Variants in EPHA3 observed in about 807,000 individuals in gnomAD.
EPHA3 encodes ephrin type-A receptor 3.
EPHA3 carries 42 observed loss-of-function variants against 107.1 expected under a neutral mutation model. The observed-to-expected ratio is 0.39, with a 90% CI of 0.31 to 0.51. The LOEUF (loss-of-function observed/expected upper bound fraction) is 0.51, where lower values mean the gene tolerates loss of function less well. EPHA3 is among the 20% of genes least tolerant of loss of function. EPHA3 has a pLI of 0.78. For synonymous variants in EPHA3, 461 were observed against 424.8 expected, an observed-to-expected ratio of 1.09 and a Z score of -1.05; for missense variants, 1,183 against 1,211.2, an observed-to-expected ratio of 0.98 and a Z score of 0.35.
chr3:89,405,130 T>A (rs1167814113), intron 7 of EPHA3, among the ~76,000 whole-genome samples: 2 of 151,754 alleles, frequency 1.3e-5, no homozygotes, highest in Non-Finnish European at 2.9e-5. Context: ...CAGACTGAGA[T>A]GTAGGTCTGT....
At chr3:89,324,155 CTTTTTTT>C (rs749957896) in intron 3 of EPHA3, among the ~76,000 whole-genome samples, 4 of 118,984 alleles carry the variant, frequency 3.4e-5, no homozygotes, top group African/African-American at 1.2e-4. Context: ...AGATGTCAGT[CTTTTTTT>C]TTTTTTTTTT....
At chr3:89,229,252 A>G (rs1704570960) in intron 3 of EPHA3, among the ~76,000 whole-genome samples, 1 of 151,982 alleles carries the variant, frequency 6.6e-6, no homozygotes, top group Non-Finnish European at 1.5e-5. Context: ...TTGTCAGTGA[A>G]TAAAGAAGTA....
intron 2 of EPHA3, among the ~76,000 whole-genome samples, chr3:89,156,222 T>A (rs1364143963): frequency 6.6e-6 from 1 of 152,100 alleles, no homozygotes; most frequent in Non-Finnish European, 1.5e-5. Context: ...GAAACTTGTC[T>A]TAACTGCTTT....
At position 89,481,110 on chromosome 3, in the gene EPHA3, G is replaced by A. The variant is rs1353286608; in HGVS notation, c.*1608G>A. On this transcript the variant is annotated 3_prime_UTR_variant, in exon 17 of 17. Coordinates refer to ENST00000336596, the MANE Select transcript of EPHA3 (RefSeq NM_005233.6). ...TGATATGATCTTGAGTATAAGAAATGCATATGTCACTAGAATGGATAAAAT... is the reference window on the plus strand; with the variant it reads ...TGATATGATCTTGAGTATAAGAAATACATATGTCACTAGAATGGATAAAAT... The A allele has an allele frequency of 4.3e-6, 1 of 231,832 alleles. No individual in the cohort carries two copies. Among genetic ancestry groups the A allele is most frequent in the Non-Finnish European group, 8.5e-6 (1 of 117,278 alleles). 14.4% of individuals were successfully genotyped at this position (231,832 alleles called of 1,614,324 possible).
At chr3:89,139,136 A>AC (rs1449460634) in intron 2 of EPHA3, among the ~76,000 whole-genome samples, 2 of 151,948 alleles carry the variant, frequency 1.3e-5, no homozygotes, top group African/African-American at 2.4e-5. Flanking sequence ...ATGTAAAGTG[A>AC]CAAGACCAAG....
At chr3:89,186,687 G>C (rs2107131233) in intron 2 of EPHA3, among the ~76,000 whole-genome samples, 1 of 152,128 alleles carries the variant, frequency 6.6e-6, no homozygotes, top group South Asian at 2.1e-4. Flanking sequence ...ACAGCCAGCT[G>C]GTGCTTTTTA....
chr3:89,205,414 AGCC>A (rs1262814174), intron 2 of EPHA3, among the ~76,000 whole-genome samples: 1 of 152,118 alleles, frequency 6.6e-6, no homozygotes, highest in Non-Finnish European at 1.5e-5. Context: ...ATAAACTAAG[AGCC>A]TCCTTAGTAT....
chr3:89,193,408 A>G (rs1159058268), intron 2 of EPHA3, among the ~76,000 whole-genome samples: 3 of 152,060 alleles, frequency 2.0e-5, no homozygotes, highest in Admixed American at 2.0e-4. Flanking sequence ...TCACAATTCA[A>G]TTTGTGATTA....
chr3:89,437,698 C>T (rs1225608580), intron 13 of EPHA3, among the ~76,000 whole-genome samples: 1 of 152,136 alleles, frequency 6.6e-6, no homozygotes, highest in Non-Finnish European at 1.5e-5. Context: ...TGTTGAAATA[C>T]ATGGAATCCA....
chr3:89,207,517 A>T lies in EPHA3; in HGVS notation c.154-2343A>T, dbSNP rs1016700988. 5.9e-5 allele frequency among the ~76,000 whole-genome samples: 9 copies of T among 152,302 alleles called. No homozygotes were observed. In the South Asian group the frequency reaches 1.0e-3, roughly 18 times the overall value. On this transcript the variant is annotated intron_variant, in intron 2 of 16. Coordinates refer to ENST00000336596, the MANE Select transcript of EPHA3 (RefSeq NM_005233.6). ...TGAATTTTAGGCAGTAGTATTTTTTATTCTTTTTTTAAACAAACAAACAAA... is the reference window on the plus strand; with the variant it reads ...TGAATTTTAGGCAGTAGTATTTTTTTTTCTTTTTTTAAACAAACAAACAAA...
chr3:89,224,029 A>G (rs1330058689), intron 3 of EPHA3, among the ~76,000 whole-genome samples: 2 of 152,190 alleles, frequency 1.3e-5, no homozygotes, highest in African/African-American at 4.8e-5. Context: ...TTATCGATCA[A>G]TATTTTTGCT....
intron 2 of EPHA3, among the ~76,000 whole-genome samples, chr3:89,169,620 G>A (rs1328844214): frequency 6.6e-6 from 1 of 152,106 alleles, no homozygotes; most frequent in Non-Finnish European, 1.5e-5. Context: ...GTGTTTTTGT[G>A]TATATTTTCA....
At chr3:89,371,180 T>C (rs1708293033) in intron 5 of EPHA3, among the ~76,000 whole-genome samples, 1 of 151,704 alleles carries the variant, frequency 6.6e-6, no homozygotes, top group African/African-American at 2.4e-5. Context: ...TTGTTTTCAT[T>C]CCAGTGATTA....
intron 6 of EPHA3, among the ~76,000 whole-genome samples, chr3:89,396,712 A>G (rs115698462): frequency 0.011 from 1,728 of 152,316 alleles, 37 homozygotes; most frequent in African/African-American, 0.039. Context: ...TAGTTTCACA[A>G]CTACTAACAT....
intron 2 of EPHA3, among the ~76,000 whole-genome samples, chr3:89,179,158 TTA>T (rs1705383075): frequency 6.6e-6 from 1 of 152,118 alleles, no homozygotes; most frequent in South Asian, 2.1e-4. Flanking sequence ...ATGTGCATTT[TTA>T]TGTTTGCCAA....
intron 3 of EPHA3, among the ~76,000 whole-genome samples, chr3:89,231,703 C>A (rs2107226163): frequency 6.6e-6 from 1 of 152,248 alleles, no homozygotes; most frequent in East Asian, 1.9e-4. Context: ...AAAATAATAT[C>A]CTTTCCCCAC....
At chr3:89,323,209 A>G (rs1168561023) in intron 3 of EPHA3, among the ~76,000 whole-genome samples, 2 of 152,150 alleles carry the variant, frequency 1.3e-5, no homozygotes, top group African/African-American at 4.8e-5. Context: ...GCATTTATTT[A>G]TATAAATGTG....
intron 2 of EPHA3, among the ~76,000 whole-genome samples, chr3:89,203,310 T>C (rs1446247909): frequency 1.4e-5 from 2 of 139,472 alleles, no homozygotes; most frequent in Admixed American, 1.5e-4. Flanking sequence ...CCTGGTTCCC[T>C]GCTTAGCCGG....
intron 2 of EPHA3, among the ~76,000 whole-genome samples, chr3:89,138,604 C>A (rs1446351827): frequency 6.6e-6 from 1 of 151,626 alleles, no homozygotes; most frequent in African/African-American, 2.4e-5. Flanking sequence ...CAATCAAAGA[C>A]AACATTTTAA....
Sources: allele counts gnomAD v4.1 joint callset (sites outside exome capture counted in the v4.1 genomes callset), GRCh38; gene constraint gnomAD v4.1.1; transcripts MANE v1.5; gene names NCBI Gene and HGNC (gene_info 2026-07-23, HGNC 2026-07-21).